Variants in WSB2 observed in about 807,000 individuals in gnomAD.
The protein encoded by WSB2 is WD repeat and SOCS box containing 2.
WSB2 carries 12 observed loss-of-function variants against 48.8 expected under a neutral mutation model. That is an observed-to-expected ratio of 0.25 (90% CI 0.16 to 0.40). WSB2 has a LOEUF of 0.40. WSB2 is among the 10% of genes least tolerant of loss of function. The pLI is 1.00. For synonymous variants in WSB2, 191 were observed against 203.1 expected (o/e 0.94, Z 0.51); for missense variants, 317 against 506.2 (o/e 0.63, Z 3.59).
At chr12:118,034,574 G>GCC in intron 8 of WSB2, 1 of 528,462 alleles carries the variant, frequency 1.9e-6, no homozygotes, top group Non-Finnish European at 3.3e-6. Context: ...ATACCAAAGC[G>GCC]CTCTCTCTGT....
Position 118,041,862 on chromosome 12 carries a change from C to A in WSB2, c.559+979G>T, listed in dbSNP as rs561283890. Among the ~76,000 whole-genome samples the A allele has an allele frequency of 2.7e-5, 4 of 146,324 alleles. No homozygotes were observed. In the South Asian group the frequency reaches 6.6e-4, roughly 24 times the overall value. On this transcript the variant is annotated intron_variant, in intron 4 of 8. Transcript: ENST00000315436. ...TTCTGCCTCCCAGGTTCAAGTGATTCTCCTGCCTCAGCCTCCCGAGTAGCT... is the reference window on the plus strand; with the variant it reads ...TTCTGCCTCCCAGGTTCAAGTGATTATCCTGCCTCAGCCTCCCGAGTAGCT...
At chr12:118,059,951 A>G (rs985144391) in intron 1 of WSB2, among the ~76,000 whole-genome samples, 3 of 152,216 alleles carry the variant, frequency 2.0e-5, no homozygotes, top group Non-Finnish European at 4.4e-5. Context: ...GTAACAAGCC[A>G]TCAGCAATCA....
At chr12:118,040,958 A>G (rs2031624408) in intron 4 of WSB2, among the ~76,000 whole-genome samples, 1 of 152,276 alleles carries the variant, frequency 6.6e-6, no homozygotes, top group African/African-American at 2.4e-5. Context: ...CTGAGACACA[A>G]GAATGACTTG....
At position 118,052,445 on chromosome 12, in the gene WSB2, C is replaced by T; in HGVS notation, c.47G>A (p.Gly16Glu). The T allele has an allele frequency of 6.2e-7, 1 of 1,614,100 alleles. No homozygotes were observed. Among genetic ancestry groups the T allele is most frequent in the Non-Finnish European group, 8.5e-7 (1 of 1,180,020 alleles). ...EPLLLAELKP[G>E]RPHQFDWKSS... ...CTTCCAATCAAACTGGTGGGGGCGC[C>T]CGGGCTTGAGTTCGGCCAGCAGCAG... Residue 16 changes from glycine to glutamate, a missense_variant, in exon 2 of 9, where the codon GGG becomes GAG. Gly to Glu is a moderately conservative substitution (Grantham distance 98). Transcript: ENST00000315436.
At chr12:118,036,848 ATGAAGACC>A (rs1317237464) in intron 5 of WSB2, among the ~76,000 whole-genome samples, 1 of 152,196 alleles carries the variant, frequency 6.6e-6, no homozygotes, top group Non-Finnish European at 1.5e-5. Context: ...GTATGTGCTG[ATGAAGACC>A]TGAGCCAAGT....
At chr12:118,034,556 C>A in intron 8 of WSB2, 198 bp from the exon 9 acceptor site, 1 of 549,550 alleles carries the variant, frequency 1.8e-6, no homozygotes, top group Non-Finnish European at 3.0e-6. Flanking sequence ...AAACTCAAGA[C>A]ACCTGTGATA....
intron 1 of WSB2, 129 bp from the exon 2 acceptor site, chr12:118,052,607 A>T: frequency 7.0e-7 from 1 of 1,432,748 alleles, no homozygotes; most frequent in Non-Finnish European, 9.4e-7. Context: ...TGTCACTTAA[A>T]TGACCCAGGG....
At chr12:118,050,753 C>A (rs762437572) in intron 2 of WSB2, among the ~76,000 whole-genome samples, 3 of 151,998 alleles carry the variant, frequency 2.0e-5, no homozygotes, top group Middle Eastern at 3.2e-3. Flanking sequence ...GACCAGTAAG[C>A]ACCTGAAAAG....
At chr12:118,054,215 TCCAAAAA>T (rs1366861574) in intron 1 of WSB2, among the ~76,000 whole-genome samples, 52 of 22,800 alleles carry the variant, frequency 2.3e-3, no homozygotes, top group African/African-American at 6.7e-3. Flanking sequence ...CTACTAAAAA[TCCAAAAA>T]AAAAAAAAAA....
intron 4 of WSB2, among the ~76,000 whole-genome samples, chr12:118,041,902 C>A (rs1287317943): frequency 5.3e-5 from 8 of 151,850 alleles, no homozygotes; most frequent in Admixed American, 5.3e-4. Flanking sequence ...CTACAGGCGC[C>A]CACCACCACG....
chr12:118,059,693 A>G (rs1441277888), intron 1 of WSB2, among the ~76,000 whole-genome samples: 1 of 152,186 alleles, frequency 6.6e-6, no homozygotes, highest in East Asian at 1.9e-4. Flanking sequence ...TTGAACTGTA[A>G]GGAGGCAATG....
Position 118,057,067 on chromosome 12 carries a change from AAAG to A in WSB2, c.13+3966_13+3968del, listed in dbSNP as rs558675061. Among the ~76,000 whole-genome samples the A allele has an allele frequency of 3.0e-4, 46 of 152,320 alleles. No individual in the cohort carries two copies. In the South Asian group the frequency reaches 9.1e-3, roughly 30 times the overall value. ...TTCAGGTTCAGGAATCCAGGAGCTA[AAAG>A]AAGAACAAACCCAGTGACTCCTGTC... On this transcript the variant is annotated intron_variant, in intron 1 of 8. Coordinates refer to ENST00000315436, the MANE Select transcript of WSB2 (RefSeq NM_018639.5).
In WSB2 at chr12:118,052,820, C is replaced by G. The variant is rs140009270; in HGVS notation, c.14-342G>C. Among the ~76,000 whole-genome samples the G allele has an allele frequency of 8.8e-3, 1,340 of 152,196 alleles. 22 individuals carry two copies. Among genetic ancestry groups the G allele is most frequent in the African/African-American group, 0.03 (1,251 of 41,520 alleles). On this transcript the variant is annotated intron_variant, in intron 1 of 8. Coordinates refer to ENST00000315436, the MANE Select transcript of WSB2 (RefSeq NM_018639.5). ...TGCTAGACGGTGCTGATTATGGGGCCAAAATAGCAAGGCCTTCCAATGCAT... is the reference window on the plus strand; with the variant it reads ...TGCTAGACGGTGCTGATTATGGGGCGAAAATAGCAAGGCCTTCCAATGCAT...
chr12:118,044,474 T>A (rs1182700822), intron 2 of WSB2, among the ~76,000 whole-genome samples: 1 of 152,198 alleles, frequency 6.6e-6, no homozygotes, highest in Non-Finnish European at 1.5e-5. Flanking sequence ...TACATGTTAA[T>A]TTCCACCTTC....
At chr12:118,052,103 A>G (rs1170444021) in intron 2 of WSB2, among the ~76,000 whole-genome samples, 3 of 152,220 alleles carry the variant, frequency 2.0e-5, no homozygotes, top group African/African-American at 4.8e-5. Flanking sequence ...CAATAAAGCT[A>G]TGGGAAAAAA....
intron 2 of WSB2, among the ~76,000 whole-genome samples, chr12:118,051,304 A>T (rs892332021): frequency 2.0e-5 from 3 of 152,166 alleles, no homozygotes; most frequent in African/African-American, 4.8e-5. Context: ...ATAGTTAAAC[A>T]TAGAAAACAC....
At chr12:118,043,445 A>G (rs535775196) in intron 2 of WSB2, 68 bp from the exon 3 acceptor site, 1 of 1,506,966 alleles carries the variant, frequency 6.6e-7, no homozygotes, top group South Asian at 1.3e-5. Flanking sequence ...TCATCCTGGG[A>G]CACGTAAGAC....
chr12:118,061,327 A>T, upstream of WSB2: 1 of 374,576 alleles, frequency 2.7e-6, no homozygotes, highest in Non-Finnish European at 3.4e-6. Context: ...ACGGGATAAA[A>T]GCTGAGGGGT....
At chr12:118,042,806 T>C (rs374531933) in intron 4 of WSB2, 35 bp downstream of exon 4, 207 of 1,602,970 alleles carry the variant, frequency 1.3e-4, no homozygotes, top group Non-Finnish European at 1.6e-4. Flanking sequence ...TACAGTATTT[T>C]TGGAGTTGCC....
Sources: gnomAD v4.1 joint callset for allele counts (sites outside exome capture counted in the v4.1 genomes callset) on GRCh38, gnomAD v4.1.1 for gene constraint, MANE v1.5 for transcripts, NCBI Gene and HGNC (gene_info 2026-07-23, HGNC 2026-07-21) for gene names.